The following ZNF544 variants were observed in gnomAD, a reference collection of about 807,000 sequenced individuals.
ZNF544 encodes the protein zinc finger protein 544.
A neutral mutation model predicts 13.5 loss-of-function variants in ZNF544; 10 were observed. The observed-to-expected ratio is 0.74, with a 90% CI of 0.46 to 1.25. The LOEUF is 1.25. Among genes scored for constraint, ZNF544 ranks in the 50% most tolerant of loss-of-function variants. The probability of loss-of-function intolerance (pLI) is 0.00; values close to 1 mark genes in which losing one functional copy is unlikely to be tolerated. For missense variants in ZNF544, 896 were observed against 845.6 expected (o/e 1.06, Z -0.74); for synonymous variants, 323 against 300.5 (o/e 1.07, Z -0.77).
intron 5 of ZNF544, among the ~76,000 whole-genome samples, chr19:58,275,325 C>G (rs986167885): frequency 6.6e-6 from 1 of 152,090 alleles, no homozygotes; most frequent in Non-Finnish European, 1.5e-5. Flanking sequence ...GCACTGGCAT[C>G]CGGTGACCTT....
intron 3 of ZNF544, among the ~76,000 whole-genome samples, chr19:58,232,770 A>T (rs2041572897): frequency 1.1e-5 from 1 of 92,428 alleles, no homozygotes; most frequent in Non-Finnish European, 1.9e-5. Flanking sequence ...TCTACTAAAA[A>T]AAAAAAAAAA....
At chr19:58,249,918 G>A (rs2046017951) in intron 6 of ZNF544, among the ~76,000 whole-genome samples, 1 of 152,290 alleles carries the variant, frequency 6.6e-6, no homozygotes, top group Non-Finnish European at 1.5e-5. Flanking sequence ...CAACCCGGCT[G>A]ACTCCCATTC....
chr19:58,254,404 GC>G (rs1232875635), intron 6 of ZNF544, among the ~76,000 whole-genome samples: 2 of 152,228 alleles, frequency 1.3e-5, no homozygotes, highest in Non-Finnish European at 2.9e-5. Flanking sequence ...TGAGGATGCA[GC>G]CAAGCAGGGA....
chr19:58,255,322 G>A (rs536736058), intron 6 of ZNF544, among the ~76,000 whole-genome samples: 54 of 152,200 alleles, frequency 3.5e-4, no homozygotes, highest in African/African-American at 1.2e-3. Flanking sequence ...GATTACAGGC[G>A]TGTGCCACCA....
chr19:58,229,266 G>GGGGTGGAACTGGGTGGAACT (rs1277288053), intron 1 of ZNF544: 4 of 130,204 alleles, frequency 3.1e-5, no homozygotes, highest in South Asian at 2.7e-4. Context: ...GGTACGGGCA[G>GGGGTGGAACTGGGTGGAACT]GGGTGGAACT....
At chr19:58,276,002 A>G (rs1600444249) in intron 5 of ZNF544, among the ~76,000 whole-genome samples, 1 of 151,954 alleles carries the variant, frequency 6.6e-6, no homozygotes, top group Non-Finnish European at 1.5e-5. Context: ...CCTGGGCAAC[A>G]TGGCAAAATC....
intron 3 of ZNF544, among the ~76,000 whole-genome samples, chr19:58,234,287 T>C (rs2041952681): frequency 6.6e-6 from 1 of 152,258 alleles, no homozygotes; most frequent in East Asian, 1.9e-4. Flanking sequence ...CCAATCTGCC[T>C]CAGCTTCTGC....
At chr19:58,245,164 T>A (rs1367538521) in intron 4 of ZNF544, among the ~76,000 whole-genome samples, 1 of 152,016 alleles carries the variant, frequency 6.6e-6, no homozygotes, top group Non-Finnish European at 1.5e-5. Flanking sequence ...GGTTTCGAAC[T>A]CCTGACCTCA....
At chr19:58,257,325 G>A (rs1333527042) in intron 6 of ZNF544, 1 of 152,206 alleles carries the variant, frequency 6.6e-6, no homozygotes, top group African/African-American at 2.4e-5. Flanking sequence ...CACAGAGTGG[G>A]AGCAGGCCCA....
intron 5 of ZNF544, among the ~76,000 whole-genome samples, chr19:58,275,783 C>CAAAA (rs57148438): frequency 0.094 from 6,187 of 65,908 alleles, 446 homozygotes; most frequent in East Asian, 0.21. Flanking sequence ...GACCCTGTCT[C>CAAAA]AAAAAAAAAA....
intron 3 of ZNF544, among the ~76,000 whole-genome samples, chr19:58,232,743 C>A (rs2041549591): frequency 7.7e-6 from 1 of 130,062 alleles, no homozygotes. Context: ...TCCTGGCTAA[C>A]ATGGGGAAAC....
At chr19:58,238,468 G>A (rs372983181) in intron 3 of ZNF544, among the ~76,000 whole-genome samples, 40 of 152,142 alleles carry the variant, frequency 2.6e-4, no homozygotes, top group Admixed American at 6.5e-4. Context: ...CTTGTGGAGC[G>A]GTGCATAGTG....
intron 6 of ZNF544, among the ~76,000 whole-genome samples, chr19:58,250,208 T>C (rs1227821662): frequency 6.6e-6 from 1 of 152,214 alleles, no homozygotes; most frequent in Non-Finnish European, 1.5e-5. Flanking sequence ...TCCCAAGTGG[T>C]TAAGGTCCCT....
At chr19:58,266,907 C>T (rs1401726972), downstream of ZNF544, 2 of 152,166 alleles carry the variant, frequency 1.3e-5, no homozygotes, top group African/African-American at 2.4e-5. Flanking sequence ...TCGAGCAAAG[C>T]GTACTGTTAA....
intron 3 of ZNF544, among the ~76,000 whole-genome samples, chr19:58,243,304 G>C (rs115086088): frequency 6.6e-6 from 1 of 151,966 alleles, no homozygotes; most frequent in Non-Finnish European, 1.5e-5. Flanking sequence ...CTTCAGTGCC[G>C]ATGTGGCGAT....
chr19:58,262,060 C>T lies in ZNF544; in HGVS notation c.1454C>T (p.Thr485Met), dbSNP rs150014381. The T allele has an allele frequency of 1.3e-4, 202 of 1,610,924 alleles. No homozygotes were observed. Among genetic ancestry groups the T allele is most frequent in the African/African-American group, 2.4e-4 (18 of 73,752 alleles). Residue 485 changes from threonine (T) to methionine (M), a missense_variant, in exon 7 of 7, where the codon ACG becomes ATG. Physicochemically the swap from Thr to Met is moderately conservative, Grantham distance 81. Transcript: ENST00000687789. ...QSYELVTHKRTHTGEKPFKCT... is the reference protein window; with the variant it reads ...QSYELVTHKRMHTGEKPFKCT... ...TATGAGTTAGTTACACATAAAAGAA[C>T]GCACACTGGAGAAAAACCCTTCAAA...
chr19:58,271,222 A>G (rs2050599898), intron 5 of ZNF544, among the ~76,000 whole-genome samples: 1 of 151,874 alleles, frequency 6.6e-6, no homozygotes, highest in Non-Finnish European at 1.5e-5. Context: ...CAGGAAAAAA[A>G]AAAAAAAAAA....
intron 6 of ZNF544, among the ~76,000 whole-genome samples, chr19:58,252,457 C>T (rs972116882): frequency 6.6e-6 from 1 of 152,188 alleles, no homozygotes; most frequent in African/African-American, 2.4e-5. Context: ...TCCTTCCCTA[C>T]CAAGAATACA....
chr19:58,271,167 G>A (rs1210815867), intron 5 of ZNF544, among the ~76,000 whole-genome samples: 3 of 150,300 alleles, frequency 2.0e-5, no homozygotes, highest in Non-Finnish European at 2.9e-5. Flanking sequence ...AGCTGAGATT[G>A]CATCACTGTG....
Sources: allele counts gnomAD v4.1 joint callset (sites outside exome capture counted in the v4.1 genomes callset), GRCh38; gene constraint gnomAD v4.1.1; transcripts MANE v1.5; gene names NCBI Gene and HGNC (gene_info 2026-07-23, HGNC 2026-07-21).